The following GRIK2 variants were observed in gnomAD, a reference collection of about 807,000 sequenced individuals.
GRIK2 encodes the protein glutamate receptor ionotropic, kainate 2.
Under a neutral mutation model 100.3 loss-of-function variants are expected in GRIK2, and 32 were observed. That is an observed-to-expected ratio of 0.32 (90% CI 0.24 to 0.43). The LOEUF is 0.43. Ranked by LOEUF, GRIK2 falls within the 20% of genes least tolerant of loss-of-function variation. The pLI, the probability that GRIK2 is intolerant of heterozygous loss-of-function variation, is 1.00. For missense variants in GRIK2, 843 were observed against 1,114.9 expected, an observed-to-expected ratio of 0.76 and a Z score of 3.47; for synonymous variants, 417 against 389.4, an observed-to-expected ratio of 1.07 and a Z score of -0.83.
At chr6:101,610,855 A>G (rs1382475887) in intron 2 of GRIK2, among the ~76,000 whole-genome samples, 1 of 151,748 alleles carries the variant, frequency 6.6e-6, no homozygotes, top group African/African-American at 2.4e-5. Context: ...TACTGTTTAT[A>G]TTATAATTAT....
chr6:101,477,668 T>G (rs1429768134), intron 2 of GRIK2, among the ~76,000 whole-genome samples: 2 of 152,196 alleles, frequency 1.3e-5, no homozygotes, highest in Admixed American at 1.3e-4. Context: ...TTGTTTAGCC[T>G]TAATAAAAAT....
intron 14 of GRIK2, among the ~76,000 whole-genome samples, chr6:101,987,383 A>G (rs1379217575): frequency 6.6e-6 from 1 of 151,798 alleles, no homozygotes; most frequent in Non-Finnish European, 1.5e-5. Context: ...TATTAATCAC[A>G]TAGTTTTGCT....
intron 2 of GRIK2, among the ~76,000 whole-genome samples, chr6:101,483,596 A>T (rs1050578517): frequency 5.3e-5 from 8 of 151,930 alleles, no homozygotes; most frequent in Non-Finnish European, 1.0e-4. Flanking sequence ...TTTATTTGGG[A>T]TAGAGTCTTG....
chr6:101,967,809 C>T (rs1306231608), intron 14 of GRIK2, among the ~76,000 whole-genome samples: 4 of 152,032 alleles, frequency 2.6e-5, no homozygotes, highest in Non-Finnish European at 4.4e-5. Context: ...ATAGAAATTA[C>T]CAAGTGGTCA....
chr6:101,799,717 A>G lies in GRIK2; in HGVS notation c.1021A>G (p.Thr341Ala), dbSNP rs766983619. The change falls in exon 8 of 17, where the codon ACA (threonine) becomes GCA (alanine). Residue 341 changes from threonine (T) to alanine (A), a missense_variant. Thr to Ala is a moderately conservative substitution (Grantham distance 58). Around this residue, in one of 3 missense-constraint regions of GRIK2, gnomAD observed 519 missense variants for 643.8 expected, o/e 0.81. Coordinates refer to ENST00000369134, the MANE Select transcript of GRIK2 (RefSeq NM_021956.5). ...GGCCGTTCAACAGTTTCCCCAGATG[A>G]CAGTCAGTTCCTTGCAGTGTAATCG... The part of the protein sequence containing the change: ...SVAVQQFPQM[T>A]VSSLQCNRHK... 4.9e-5 allele frequency: 79 copies of G among 1,612,892 alleles called. No homozygotes were observed. The highest frequency in any genetic ancestry group is 6.4e-5 in the Non-Finnish European group (75 of 1,179,158).
intron 4 of GRIK2, among the ~76,000 whole-genome samples, chr6:101,639,929 T>TGTTA (rs1257240110): frequency 1.3e-5 from 2 of 152,310 alleles, no homozygotes; most frequent in East Asian, 3.9e-4. Flanking sequence ...AATAATATCT[T>TGTTA]GTTACAAACA....
intron 14 of GRIK2, among the ~76,000 whole-genome samples, chr6:101,979,448 A>G (rs1471445849): frequency 6.6e-6 from 1 of 152,000 alleles, no homozygotes; most frequent in East Asian, 1.9e-4. Flanking sequence ...TTAAAGGTGG[A>G]AGGTGAGTAG....
chr6:101,884,586 T>C (rs1786486924), intron 11 of GRIK2, among the ~76,000 whole-genome samples: 2 of 152,158 alleles, frequency 1.3e-5, no homozygotes, highest in African/African-American at 4.8e-5. Context: ...ATTTTTACCA[T>C]TGCTTTATAA....
intron 2 of GRIK2, among the ~76,000 whole-genome samples, chr6:101,515,524 TTC>T (rs1774542092): frequency 6.6e-6 from 1 of 152,186 alleles, no homozygotes; most frequent in South Asian, 2.1e-4. Context: ...CTAGTTTACA[TTC>T]CCACCAGCAG....
At chr6:101,531,814 C>T in intron 2 of GRIK2, among the ~76,000 whole-genome samples, 1 of 151,752 alleles carries the variant, frequency 6.6e-6, no homozygotes, top group East Asian at 1.9e-4. Flanking sequence ...TAAATCTGAT[C>T]CTTGTTCTAT....
chr6:101,582,210 C>T (rs911921777), intron 2 of GRIK2, among the ~76,000 whole-genome samples: 1 of 150,884 alleles, frequency 6.6e-6, no homozygotes, highest in African/African-American at 2.4e-5. Flanking sequence ...CTAATGCTAT[C>T]CCTCTCCTAG....
chr6:101,412,690 C>G (rs903336018), intron 2 of GRIK2, among the ~76,000 whole-genome samples: 9 of 151,906 alleles, frequency 5.9e-5, no homozygotes, highest in Non-Finnish European at 1.0e-4. Context: ...TATGTAATTT[C>G]AAGAAAATGC....
intron 7 of GRIK2, among the ~76,000 whole-genome samples, chr6:101,772,219 T>C (rs1037744730): frequency 8.5e-5 from 13 of 152,170 alleles, no homozygotes; most frequent in Non-Finnish European, 1.9e-4. Context: ...AGTACCTCTT[T>C]CCTAATGGCT....
rs7761761 is a variant in GRIK2 at position 102,037,524 on chromosome 6, A to G, written c.2311+1958A>G. Among the ~76,000 whole-genome samples the G allele has an allele frequency of 4.6e-3, 692 of 151,414 alleles. 8 individuals carry two copies. The highest frequency in any genetic ancestry group is 0.016 in the African/African-American group (673 of 41,432). ...GCCACTGTTTTTAAATTCTCCACAG[A>G]AAATATACCCCCTTTATTACCTGCA... On this transcript the variant is annotated intron_variant, in intron 15 of 16. Transcript: ENST00000369134.
chr6:101,986,390 A>ATG (rs1311163464), intron 14 of GRIK2, among the ~76,000 whole-genome samples: 2 of 151,876 alleles, frequency 1.3e-5, no homozygotes, highest in African/African-American at 4.8e-5. Flanking sequence ...CTACTAGTTA[A>ATG]TGTGGTAGTG....
At chr6:102,021,032 A>T (rs1409653869) in intron 14 of GRIK2, among the ~76,000 whole-genome samples, 2 of 151,850 alleles carry the variant, frequency 1.3e-5, no homozygotes, top group Non-Finnish European at 2.9e-5. Context: ...CTTCCTAGAC[A>T]TGGTCACAAC....
chr6:101,500,625 T>G (rs1773699354), intron 2 of GRIK2, among the ~76,000 whole-genome samples: 1 of 152,102 alleles, frequency 6.6e-6, no homozygotes, highest in Non-Finnish European at 1.5e-5. Flanking sequence ...TGAACTTGTT[T>G]TTTCTTGGTA....
chr6:101,910,866 T>C (rs1967943), intron 12 of GRIK2, among the ~76,000 whole-genome samples: 44,432 of 106,528 alleles, frequency 0.42, 7,338 homozygotes, highest in South Asian at 0.45. Context: ...CACACACACA[T>C]ACACAAGCAT....
chr6:101,853,907 G>T (rs1157173481), intron 10 of GRIK2, among the ~76,000 whole-genome samples: 2 of 152,120 alleles, frequency 1.3e-5, no homozygotes, highest in East Asian at 3.9e-4. Flanking sequence ...AAAGATTAAC[G>T]GTTGCCAGGA....
Sources: gnomAD v4.1 joint callset for allele counts (sites outside exome capture counted in the v4.1 genomes callset) on GRCh38, gnomAD v4.1.1 for gene constraint, gnomAD v4.1.1 regional missense constraint, MANE v1.5 for transcripts, NCBI Gene and HGNC (gene_info 2026-07-23, HGNC 2026-07-21) for gene names.